The following AHCTF1 variants were observed in gnomAD, a reference collection of about 807,000 sequenced individuals.
The protein encoded by AHCTF1 is protein ELYS.
A neutral mutation model predicts 248.4 loss-of-function variants in AHCTF1; 24 were observed. That is an observed-to-expected ratio of 0.10 (90% CI 0.07 to 0.14). The LOEUF (loss-of-function observed/expected upper bound fraction) is 0.14, where lower values mean the gene tolerates loss of function less well. AHCTF1 is among the 10% of genes least tolerant of loss of function. The pLI is 1.00. For missense variants in AHCTF1, 2,206 were observed against 2,636.2 expected (o/e 0.84, Z 3.57); for synonymous variants, 786 against 929.8 (o/e 0.85, Z 2.81).
intron 25 of AHCTF1, 57 bp from the exon 26 acceptor site, chr1:246,867,408 G>C: frequency 8.6e-7 from 1 of 1,158,414 alleles, no homozygotes; most frequent in Non-Finnish European, 1.2e-6. Flanking sequence ...ATAACAAGTG[G>C]ATGAGATGGG....
chr1:246,888,425 C>T lies in AHCTF1; in HGVS notation c.2237G>A (p.Gly746Asp). 6.2e-7 allele frequency: 1 copy of T among 1,612,848 alleles called. No homozygotes were observed. The highest frequency in any genetic ancestry group is 8.5e-7 in the Non-Finnish European group (1 of 1,180,004). The change falls in exon 18 of 36, where the codon GGC becomes GAC. Residue 746 changes from glycine (G) to aspartate (D), a missense_variant. Physicochemically the swap from Gly to Asp is moderately conservative, Grantham distance 94. Around this residue, in one of 6 missense-constraint regions of AHCTF1, gnomAD observed 650 missense variants for 870.8 expected, o/e 0.75. Coordinates refer to ENST00000648844, the MANE Select transcript of AHCTF1 (RefSeq NM_001323342.2). ...IEKLWKRDEG[G>D]TGKYPPASLH... ...ACTAGCAGGAGGATATTTTCCTGTG[C>T]CTCCTTCATCTCGTTTCCACAACTT...
At chr1:246,869,055 A>G (rs1031787998) in intron 24 of AHCTF1, among the ~76,000 whole-genome samples, 33 of 151,758 alleles carry the variant, frequency 2.2e-4, no homozygotes, top group Admixed American at 4.6e-4. Flanking sequence ...CATGTTGGCC[A>G]GGATGGTCTC....
In AHCTF1 at chr1:246,902,392, T is replaced by TAGA. The variant is rs896939741; in HGVS notation, c.1117+130_1117+132dup. The TAGA allele has an allele frequency of 2.1e-4, 233 of 1,109,142 alleles. No individual in the cohort carries two copies. The Middle Eastern group carries it at 3.1e-3, about 15-fold the overall frequency. 68.7% of individuals were successfully genotyped at this position (1,109,142 alleles called of 1,614,324 possible). On this transcript the variant is annotated intron_variant, in intron 8 of 35. Coordinates refer to ENST00000648844, the MANE Select transcript of AHCTF1 (RefSeq NM_001323342.2). The stretch of plus-strand genomic sequence containing the variant: ...AGCAAGAAATATCTAGTATCTCATA[T>TAGA]AGAACTGAATAAATTCCGTTAATTA...
chr1:246,856,620 G>C (rs1661127479), intron 30 of AHCTF1, among the ~76,000 whole-genome samples: 1 of 152,036 alleles, frequency 6.6e-6, no homozygotes, highest in South Asian at 2.1e-4. Flanking sequence ...TCTTTGCTTT[G>C]CAATTATCCA....
rs772516311 is a variant in AHCTF1 at position 246,857,666 on chromosome 1, T to C, written c.4256+25A>G. The C allele has an allele frequency of 3.8e-6, 6 of 1,578,570 alleles. No homozygotes were observed. The South Asian group carries it at 5.9e-5, about 15-fold the overall frequency. The stretch of plus-strand genomic sequence containing the variant: ...TTCATTAAACTTCTTTCTAAAAGTA[T>C]TTGAATTTCTCTCCATTAACTTACC... On this transcript the variant is annotated intron_variant, in intron 30 of 35. Coordinates refer to ENST00000648844, the MANE Select transcript of AHCTF1 (RefSeq NM_001323342.2).
In AHCTF1 at chr1:246,840,993, GTGTTTC is replaced by G; in HGVS notation, c.6609-1_6613del. On this transcript the variant is annotated splice_acceptor_variant and coding_sequence_variant, in exon 36 of 36. Coordinates refer to ENST00000648844, the MANE Select transcript of AHCTF1 (RefSeq NM_001323342.2). LOFTEE classifies it high-confidence loss of function. ...AGGTGACCAAGCACTTTCTTTTTCT[GTGTTTC>G]TGAAAAAAAAAGATATGATCAAGTA... 6.3e-7 allele frequency: 1 copy of G among 1,594,036 alleles called. No individual in the cohort carries two copies. Among genetic ancestry groups the G allele is most frequent in the Admixed American group, 1.9e-5 (1 of 53,966 alleles).
Position 246,867,316 on chromosome 1 carries a change from G to A in AHCTF1, c.3275C>T (p.Ser1092Leu), listed in dbSNP as rs768661982. The change falls in exon 26 of 36, where the codon TCG (serine) becomes TTG (leucine). Residue 1092 changes from serine to leucine, a missense_variant. Physicochemically the swap from Ser to Leu is moderately radical, Grantham distance 145. Coordinates refer to ENST00000648844, the MANE Select transcript of AHCTF1 (RefSeq NM_001323342.2). ...KIEEPSPIVY[S>L]LPAPELPEAF... is the part of the protein sequence containing the mutation. ...CTCAGGCAGCTCTGGAGCTGGGAGC[G>A]AATACACTATAGGAGATGGTTCTTC... 2.4e-5 allele frequency: 38 copies of A among 1,602,862 alleles called. No homozygotes were observed. In the South Asian group the frequency reaches 2.6e-4, roughly 11 times the overall value.
At chr1:246,921,544 C>A (rs1316343724) in intron 1 of AHCTF1, among the ~76,000 whole-genome samples, 6 of 152,228 alleles carry the variant, frequency 3.9e-5, no homozygotes, top group South Asian at 2.1e-4. Flanking sequence ...TAAGGAAGAT[C>A]TAAGATATGC....
chr1:246,853,185 T>C lies in AHCTF1; in HGVS notation c.4469A>G (p.His1490Arg), dbSNP rs778634742. The C allele has an allele frequency of 6.2e-7, 1 of 1,613,158 alleles. No individual in the cohort carries two copies. The highest frequency in any genetic ancestry group is 8.5e-7 in the Non-Finnish European group (1 of 1,179,468). ...QEVALNLKED[H>R]EVEVGVLKES... is the part of the protein sequence containing the mutation. ...TTTTAGTACACCAACTTCTACTTCATGATCTTCTTTTAAGTTCAGCGCTAC... is the reference window on the plus strand; with the variant it reads ...TTTTAGTACACCAACTTCTACTTCACGATCTTCTTTTAAGTTCAGCGCTAC... The change falls in exon 32 of 36, where the codon CAT (histidine) becomes CGT (arginine). Residue 1490 changes from histidine to arginine, a missense_variant. Coordinates refer to ENST00000648844, the MANE Select transcript of AHCTF1 (RefSeq NM_001323342.2).
intron 24 of AHCTF1, among the ~76,000 whole-genome samples, chr1:246,868,504 C>T (rs1412035253): frequency 1.3e-5 from 2 of 151,952 alleles, no homozygotes; most frequent in South Asian, 2.1e-4. Context: ...ATCCTCCCTC[C>T]TCGGCCTCTC....
chr1:246,908,815 G>A (rs905516721), intron 4 of AHCTF1, among the ~76,000 whole-genome samples: 2 of 150,938 alleles, frequency 1.3e-5, no homozygotes, highest in Non-Finnish European at 2.9e-5. Flanking sequence ...GGAGAATGGT[G>A]TGAATCCGGG....
chr1:246,850,415 A>C lies in AHCTF1; in HGVS notation c.5591T>G (p.Val1864Gly). Residue 1864 changes from valine to glycine, a missense_variant, in exon 33 of 36, where the codon GTT becomes GGT. This residue lies in a region of AHCTF1 where 469 missense variants were observed against 470.0 expected (regional missense o/e 1.00). Coordinates refer to ENST00000648844, the MANE Select transcript of AHCTF1 (RefSeq NM_001323342.2). ...VEETTKKEVK[V>G]SSVTKRTPRR... ...AGGAGTCCTTTTTGTAACAGATGAA[A>C]CCTTAACTTCTTTTTTAGTAGTTTC... is the stretch of plus-strand genomic sequence containing the variant. 1.3e-6 allele frequency: 2 copies of C among 1,598,902 alleles called. No individual in the cohort carries two copies. Among genetic ancestry groups the C allele is most frequent in the Non-Finnish European group, 1.7e-6 (2 of 1,175,946 alleles).
At chr1:246,879,179 A>G (rs1250350342) in intron 21 of AHCTF1, among the ~76,000 whole-genome samples, 1 of 152,224 alleles carries the variant, frequency 6.6e-6, no homozygotes, top group African/African-American at 2.4e-5. Context: ...GCAGGTCACA[A>G]AAGAAATAGC....
intron 24 of AHCTF1, among the ~76,000 whole-genome samples, chr1:246,872,791 G>C (rs1308524730): frequency 6.6e-6 from 1 of 152,156 alleles, no homozygotes. Flanking sequence ...TTCGAAGTGT[G>C]CTGCTGTCGA....
At chr1:246,911,001 T>G (rs1183933135) in intron 4 of AHCTF1, among the ~76,000 whole-genome samples, 1 of 152,236 alleles carries the variant, frequency 6.6e-6, no homozygotes, top group Non-Finnish European at 1.5e-5. Flanking sequence ...TAATCATAAA[T>G]TACTTTTGTA....
At chr1:246,884,003 C>A (rs984852223) in intron 21 of AHCTF1, among the ~76,000 whole-genome samples, 8 of 152,180 alleles carry the variant, frequency 5.3e-5, no homozygotes, top group Admixed American at 5.2e-4. Context: ...GCCTTTCTGA[C>A]GTAAGCATTA....
At chr1:246,846,423 A>G (rs147100873) in intron 33 of AHCTF1, among the ~76,000 whole-genome samples, 1 of 152,026 alleles carries the variant, frequency 6.6e-6, no homozygotes, top group Non-Finnish European at 1.5e-5. Flanking sequence ...GTGAATACTC[A>G]TAAGAACCCC....
Position 246,877,054 on chromosome 1 carries a change from T to C in AHCTF1, c.2833A>G (p.Ser945Gly). 1 of 1,612,212 alleles carries C rather than the reference T, an allele frequency of 6.2e-7. No homozygotes were observed. ...QECLVKFLQSSASVQNHEFLL... is the reference protein window; with the variant it reads ...QECLVKFLQSGASVQNHEFLL... ...AATTCATGATTCTGAACGCTGGCAC[T>C]GGACTGCAAAAATTTCACTAAACAT... The change falls in exon 23 of 36, where the codon AGT becomes GGT. Residue 945 changes from serine to glycine, a missense_variant. Ser to Gly is a moderately conservative substitution (Grantham distance 56). This residue lies in a region of AHCTF1 where 955 missense variants were observed against 1,055.6 expected (regional missense o/e 0.90). Coordinates refer to ENST00000648844, the MANE Select transcript of AHCTF1 (RefSeq NM_001323342.2).
intron 31 of AHCTF1, among the ~76,000 whole-genome samples, chr1:246,853,576 T>C (rs910881929): frequency 6.6e-6 from 1 of 152,222 alleles, no homozygotes; most frequent in Non-Finnish European, 1.5e-5. Flanking sequence ...CAGGTGCTTG[T>C]TCCTTATTAA....
Sources: allele counts gnomAD v4.1 joint callset (sites outside exome capture counted in the v4.1 genomes callset), GRCh38; gene constraint gnomAD v4.1.1; regional missense constraint gnomAD v4.1.1; transcripts MANE v1.5; gene names NCBI Gene and HGNC (gene_info 2026-07-23, HGNC 2026-07-21).